GLIS3: variants seen among roughly 807,000 people sequenced by gnomAD.
GLIS3 encodes zinc finger protein GLIS3.
GLIS3 carries 53 observed loss-of-function variants against 78.6 expected under a neutral mutation model. That is an observed-to-expected ratio of 0.67 (90% CI 0.54 to 0.85). GLIS3 has a LOEUF of 0.85. Among genes scored for constraint, GLIS3 ranks in the 40% least tolerant of loss-of-function variants. GLIS3 has a pLI of 0.00. For missense variants in GLIS3, 1,703 were observed against 1,231.1 expected, an observed-to-expected ratio of 1.38 and a Z score of -5.74; for synonymous variants, 684 against 509.9, an observed-to-expected ratio of 1.34 and a Z score of -4.60.
chr9:3,887,775 C>G (rs1822176560), intron 7 of GLIS3, among the ~76,000 whole-genome samples: 1 of 152,194 alleles, frequency 6.6e-6, no homozygotes, highest in East Asian at 1.9e-4. Context: ...GTCTAATTAA[C>G]TTCATGTTAG....
chr9:4,001,666 T>A (rs1821128846), intron 4 of GLIS3, among the ~76,000 whole-genome samples: 1 of 152,222 alleles, frequency 6.6e-6, no homozygotes, highest in Non-Finnish European at 1.5e-5. Context: ...TCTAAGTAGC[T>A]TCAGGCATCT....
At chr9:4,217,372 AT>A (rs1820949067) in intron 2 of GLIS3, among the ~76,000 whole-genome samples, 1 of 152,220 alleles carries the variant, frequency 6.6e-6, no homozygotes. Context: ...TCCCAAGTCT[AT>A]CAGAATCCAG....
rs560788903 is a variant in GLIS3, at chr9:3,908,563, T to C, written c.1984-9728A>G. ...ATTATGAAATATTTGTTTAAAATGATAGTTTTTCAACCTTACTAGTGAAAT... is the reference window on the plus strand; with the variant it reads ...ATTATGAAATATTTGTTTAAAATGACAGTTTTTCAACCTTACTAGTGAAAT... On this transcript the variant is annotated intron_variant, in intron 6 of 10. Coordinates refer to ENST00000381971, the MANE Select transcript of GLIS3 (RefSeq NM_001042413.2). Among the ~76,000 whole-genome samples, 11 of 152,308 alleles carry C rather than the reference T, an allele frequency of 7.2e-5. No homozygotes were observed. The South Asian group carries it at 2.3e-3, about 32-fold the overall frequency.
At chr9:4,479,111 A>G in the GLIS3 span, among the ~76,000 whole-genome samples, 2 of 152,166 alleles carry the variant, frequency 1.3e-5, no homozygotes, top group Non-Finnish European at 1.5e-5. Context: ...TTTTTTGTAG[A>G]GACAGGATTT....
the GLIS3 span, among the ~76,000 whole-genome samples, chr9:4,386,189 C>T: frequency 1.3e-5 from 2 of 152,048 alleles, no homozygotes; most frequent in African/African-American, 4.8e-5. Context: ...CTCCTCTAAT[C>T]ACCCTAATCA....
chr9:3,879,387 G>C (rs762549746), intron 8 of GLIS3, 40 bp downstream of exon 8: 38 of 1,601,434 alleles, frequency 2.4e-5, no homozygotes, highest in Non-Finnish European at 3.0e-5. Flanking sequence ...GGGAGGTTTG[G>C]CGGCGACACC....
intron 2 of GLIS3, among the ~76,000 whole-genome samples, chr9:4,189,235 T>C (rs1818099971): frequency 6.6e-6 from 1 of 152,208 alleles, no homozygotes; most frequent in Non-Finnish European, 1.5e-5. Flanking sequence ...TCTTTATTTC[T>C]GCCTTCATTT....
chr9:3,880,182 T>A (rs543234329), intron 7 of GLIS3, among the ~76,000 whole-genome samples: 1 of 152,304 alleles, frequency 6.6e-6, no homozygotes, highest in Non-Finnish European at 1.5e-5. Context: ...GTGTGATGAA[T>A]ATACTTGGCC....
At chr9:4,250,407 G>C (rs977336897) in intron 2 of GLIS3, among the ~76,000 whole-genome samples, 60 of 152,268 alleles carry the variant, frequency 3.9e-4, no homozygotes, top group African/African-American at 1.4e-3. Context: ...TTGCAGAGAG[G>C]TGTTTATAGT....
chr9:3,857,557 GA>G (rs1337032762), intron 8 of GLIS3, among the ~76,000 whole-genome samples: 5 of 152,162 alleles, frequency 3.3e-5, no homozygotes, highest in Non-Finnish European at 7.4e-5. Context: ...GTGAATGTAA[GA>G]ACCAAGAAAG....
intron 3 of GLIS3, among the ~76,000 whole-genome samples, chr9:4,125,203 T>C (rs1832481020): frequency 6.6e-6 from 1 of 152,214 alleles, no homozygotes; most frequent in South Asian, 2.1e-4. Context: ...ATGCTTTCTA[T>C]CTTTACTCTC....
intron 4 of GLIS3, among the ~76,000 whole-genome samples, chr9:4,036,178 A>G (rs760654237): frequency 4.6e-5 from 7 of 152,110 alleles, no homozygotes; most frequent in Non-Finnish European, 1.0e-4. Flanking sequence ...TTAACTCCTC[A>G]CCAGCAACAA....
intron 2 of GLIS3, 120 bp from the exon 3 acceptor site, chr9:4,126,061 T>A: frequency 1.3e-6 from 1 of 778,822 alleles, no homozygotes; most frequent in Non-Finnish European, 2.2e-6. Flanking sequence ...TCATTTTTTT[T>A]TTTAGTATTG....
At chr9:3,923,259 CT>C (rs1304304844) in intron 6 of GLIS3, among the ~76,000 whole-genome samples, 3 of 152,178 alleles carry the variant, frequency 2.0e-5, no homozygotes, top group Non-Finnish European at 4.4e-5. Flanking sequence ...TGTTTAACAC[CT>C]TAGCAGGGCA....
At chr9:4,470,302 G>A in the GLIS3 span, among the ~76,000 whole-genome samples, 1 of 152,014 alleles carries the variant, frequency 6.6e-6, no homozygotes, top group Non-Finnish European at 1.5e-5. Flanking sequence ...ACAAAAAAAA[G>A]AAAGATAATT....
chr9:4,414,563 T>C, the GLIS3 span, among the ~76,000 whole-genome samples: 1 of 152,210 alleles, frequency 6.6e-6, no homozygotes, highest in South Asian at 2.1e-4. Flanking sequence ...GCTTTTATCC[T>C]GCCTGCTTCA....
chr9:4,357,859 T>A, the GLIS3 span, among the ~76,000 whole-genome samples: 1 of 152,214 alleles, frequency 6.6e-6, no homozygotes. Flanking sequence ...GTGTCAATGG[T>A]GCCTCTGAAG....
intron 2 of GLIS3, among the ~76,000 whole-genome samples, chr9:4,196,680 C>A (rs1325178138): frequency 6.6e-6 from 1 of 152,182 alleles, no homozygotes; most frequent in African/African-American, 2.4e-5. Context: ...CCGAACATGT[C>A]TGAACATCAG....
the GLIS3 span, among the ~76,000 whole-genome samples, chr9:4,391,551 G>A: frequency 1.2e-5 from 1 of 84,916 alleles, no homozygotes; most frequent in South Asian, 3.9e-4. Context: ...TCTAAGAGGG[G>A]TGTGTGTGTG....
Sources: gnomAD v4.1 joint callset for allele counts (sites outside exome capture counted in the v4.1 genomes callset) on GRCh38, gnomAD v4.1.1 for gene constraint, MANE v1.5 for transcripts, NCBI Gene and HGNC (gene_info 2026-07-23, HGNC 2026-07-21) for gene names.